FAT3: variants seen among roughly 807,000 people sequenced by gnomAD.
FAT3 encodes the protein FAT atypical cadherin 3, also known as protocadherin Fat 3.
A neutral mutation model predicts 310.2 loss-of-function variants in FAT3; 95 were observed. The observed-to-expected ratio is 0.31, with a 90% CI of 0.26 to 0.36. The LOEUF (loss-of-function observed/expected upper bound fraction) is 0.36. Ranked by LOEUF, FAT3 falls within the 10% of genes least tolerant of loss-of-function variation. The pLI, the probability that FAT3 is intolerant of heterozygous loss-of-function variation, is 1.00. For missense variants in FAT3, 5,408 were observed against 5,715.6 expected, an observed-to-expected ratio of 0.95 and a Z score of 1.74; for synonymous variants, 2,314 against 2,192.9, an observed-to-expected ratio of 1.06 and a Z score of -1.54.
chr11:92,536,373 A>G (rs1954259259), intron 3 of FAT3, among the ~76,000 whole-genome samples: 1 of 152,264 alleles, frequency 6.6e-6, no homozygotes, highest in African/African-American at 2.4e-5. Flanking sequence ...TGGAGTAGTA[A>G]TCATGAGCTT....
chr11:92,695,663 G>A (rs1943915966), intron 3 of FAT3, among the ~76,000 whole-genome samples: 1 of 152,156 alleles, frequency 6.6e-6, no homozygotes. Context: ...GCATTAATGA[G>A]TTCCTATTCT....
chr11:92,418,162 T>C (rs896540317), intron 2 of FAT3, among the ~76,000 whole-genome samples: 5 of 152,286 alleles, frequency 3.3e-5, no homozygotes, highest in African/African-American at 1.2e-4. Context: ...AATCAAAACA[T>C]CTTTTAATTG....
At chr11:92,586,996 A>G (rs1939189640) in intron 3 of FAT3, among the ~76,000 whole-genome samples, 1 of 152,028 alleles carries the variant, frequency 6.6e-6, no homozygotes, top group Non-Finnish European at 1.5e-5. Context: ...AGATGTGCAA[A>G]GCCATATAAG....
chr11:92,379,147 G>T (rs1183531966), intron 2 of FAT3, among the ~76,000 whole-genome samples: 1 of 151,998 alleles, frequency 6.6e-6, no homozygotes, highest in East Asian at 1.9e-4. Context: ...AAAATATTCT[G>T]TTTTCCTCCT....
At chr11:92,664,617 T>C in intron 3 of FAT3, among the ~76,000 whole-genome samples, 1 of 152,190 alleles carries the variant, frequency 6.6e-6, no homozygotes, top group Non-Finnish European at 1.5e-5. Context: ...ATGCACACTT[T>C]TTAAAGAGAT....
chr11:92,799,313 G>C lies in FAT3; in HGVS notation c.6300G>C (p.Gly2100=). 2 of 1,613,874 alleles carry C rather than the reference G, an allele frequency of 1.2e-6. No homozygotes were observed. Among genetic ancestry groups the C allele is most frequent in the Non-Finnish European group, 1.7e-6 (2 of 1,179,856 alleles). ...YAAVQVDAEP[G]TLIYQVTAID... is the part of the protein sequence containing the mutation. ...CTGTTCAAGTGGATGCGGAACCCGG[G>C]ACTCTGATTTATCAGGTGACAGCCA... The change falls in exon 10 of 28, where the codon GGG becomes GGC. Residue 2100 remains glycine, a synonymous_variant. Coordinates refer to ENST00000525166, the MANE Select transcript of FAT3 (RefSeq NM_001367949.2).
At chr11:92,374,377 A>G (rs539137809) in intron 2 of FAT3, among the ~76,000 whole-genome samples, 1 of 152,362 alleles carries the variant, frequency 6.6e-6, no homozygotes, top group East Asian at 1.9e-4. Flanking sequence ...AAATAATGCA[A>G]TTGAAGGATC....
chr11:92,602,485 A>G (rs1158359417), intron 3 of FAT3, among the ~76,000 whole-genome samples: 1 of 152,216 alleles, frequency 6.6e-6, no homozygotes, highest in Non-Finnish European at 1.5e-5. Flanking sequence ...TAGCCTGTTC[A>G]AGATGACAGA....
intron 2 of FAT3, among the ~76,000 whole-genome samples, chr11:92,509,878 A>G (rs529982408): frequency 2.0e-5 from 3 of 152,282 alleles, no homozygotes; most frequent in Non-Finnish European, 4.4e-5. Flanking sequence ...CACTTTAAAA[A>G]CATATTTATA....
intron 19 of FAT3, among the ~76,000 whole-genome samples, chr11:92,846,789 G>A (rs918013913): frequency 6.6e-6 from 1 of 152,186 alleles, no homozygotes. Flanking sequence ...TGAAAAGCCA[G>A]CATTTGCTCA....
intron 4 of FAT3, among the ~76,000 whole-genome samples, chr11:92,707,667 C>G (rs1271696237): frequency 6.6e-5 from 10 of 152,202 alleles, no homozygotes; most frequent in Non-Finnish European, 1.5e-5. Flanking sequence ...TAAATTGACT[C>G]TCTGCCCTTT....
At chr11:92,274,257 T>G (rs1317503845) in intron 1 of FAT3, among the ~76,000 whole-genome samples, 1 of 152,030 alleles carries the variant, frequency 6.6e-6, no homozygotes, top group Admixed American at 6.6e-5. Flanking sequence ...TTAAGGGAGA[T>G]TTCTCTTTTT....
At chr11:92,475,435 G>A (rs981930082) in intron 2 of FAT3, among the ~76,000 whole-genome samples, 2 of 151,482 alleles carry the variant, frequency 1.3e-5, no homozygotes, top group African/African-American at 2.4e-5. Context: ...TTTTTTCATT[G>A]TGGGATCCTA....
intron 1 of FAT3, among the ~76,000 whole-genome samples, chr11:92,344,845 C>G (rs182189559): frequency 1.3e-5 from 2 of 152,204 alleles, no homozygotes; most frequent in South Asian, 4.2e-4. Flanking sequence ...TGTCTTGAAA[C>G]GTACCCCCCT....
intron 2 of FAT3, among the ~76,000 whole-genome samples, chr11:92,495,557 T>A (rs887512766): frequency 6.6e-6 from 1 of 152,072 alleles, no homozygotes; most frequent in Non-Finnish European, 1.5e-5. Context: ...CAACCATTGA[T>A]CAGCTTTGAA....
chr11:92,347,967 A>T (rs1285889398), intron 1 of FAT3, among the ~76,000 whole-genome samples: 2 of 152,108 alleles, frequency 1.3e-5, no homozygotes, highest in East Asian at 3.8e-4. Context: ...ATTATTTTTA[A>T]AAAAAACTTC....
chr11:92,641,365 A>T (rs1235489833), intron 3 of FAT3, among the ~76,000 whole-genome samples: 1 of 152,190 alleles, frequency 6.6e-6, no homozygotes, highest in East Asian at 1.9e-4. Flanking sequence ...CCAATATGAC[A>T]AGTTACCAGA....
intron 3 of FAT3, among the ~76,000 whole-genome samples, chr11:92,535,650 G>A (rs907861748): frequency 6.6e-6 from 1 of 152,148 alleles, no homozygotes; most frequent in African/African-American, 2.4e-5. Context: ...TTTTTTGTTT[G>A]TTGTTGTAGT....
intron 3 of FAT3, among the ~76,000 whole-genome samples, chr11:92,598,224 A>ATTT (rs1265119226): frequency 1.6e-5 from 2 of 123,674 alleles, no homozygotes; most frequent in African/African-American, 8.0e-5. Flanking sequence ...ACATATATAT[A>ATTT]TATATATTTT....
Sources: allele counts gnomAD v4.1 joint callset (sites outside exome capture counted in the v4.1 genomes callset), GRCh38; gene constraint gnomAD v4.1.1; transcripts MANE v1.5; gene names NCBI Gene and HGNC (gene_info 2026-07-23, HGNC 2026-07-21).